The following AGTPBP1 variants were observed in gnomAD, a reference collection of about 807,000 sequenced individuals.
AGTPBP1 encodes the protein ATP/GTP binding carboxypeptidase 1, also known as cytosolic carboxypeptidase 1.
Under a neutral mutation model 143.9 loss-of-function variants are expected in AGTPBP1, and 70 were observed. That is an observed-to-expected ratio of 0.49 (90% CI 0.40 to 0.59). The LOEUF is 0.59. AGTPBP1 is among the 20% of genes least tolerant of loss of function. The pLI, the probability that AGTPBP1 is intolerant of heterozygous loss-of-function variation, is 0.00. For synonymous variants in AGTPBP1, 463 were observed against 500.2 expected, an observed-to-expected ratio of 0.93 and a Z score of 0.99; for missense variants, 1,229 against 1,464.5, an observed-to-expected ratio of 0.84 and a Z score of 2.62.
chr9:85,761,514 GA>G, the AGTPBP1 span, among the ~76,000 whole-genome samples: 1 of 152,202 alleles, frequency 6.6e-6, no homozygotes, highest in Non-Finnish European at 1.5e-5. Flanking sequence ...ACAAAAACGA[GA>G]AATGGGGAAA....
chr9:85,623,782 A>T (rs1211274536), intron 14 of AGTPBP1, among the ~76,000 whole-genome samples: 1 of 151,762 alleles, frequency 6.6e-6, no homozygotes, highest in African/African-American at 2.4e-5. Flanking sequence ...GGAGGGAAAC[A>T]GTCTTTTATT....
intron 7 of AGTPBP1, among the ~76,000 whole-genome samples, chr9:85,672,128 T>C (rs1185092180): frequency 1.3e-5 from 2 of 151,970 alleles, no homozygotes; most frequent in Non-Finnish European, 2.9e-5. Flanking sequence ...TGGAGTGCAA[T>C]GGCACAATCT....
intron 25 of AGTPBP1, among the ~76,000 whole-genome samples, chr9:85,556,293 A>G (rs1048041978): frequency 6.6e-6 from 1 of 152,200 alleles, no homozygotes; most frequent in South Asian, 2.1e-4. Context: ...ATACTCTAAT[A>G]AACCAAATAT....
rs151034982 is a variant in AGTPBP1, at chr9:85,717,786, G to A, written c.-33-5220C>T. On this transcript the variant is annotated intron_variant, in intron 1 of 25. Transcript: ENST00000357081. ...GTTGGTTTGCCACACCCATCAACTC[G>A]TCATTTACATTAGGTATTTCTCCTA... Among the ~76,000 whole-genome samples the A allele has an allele frequency of 2.9e-3, 442 of 151,230 alleles. 1 individual carries two copies. The highest frequency in any genetic ancestry group is 0.01 in the African/African-American group (414 of 41,156).
In AGTPBP1 at chr9:85,657,513, T is replaced by G; in HGVS notation, c.831A>C (p.Lys277Asn). Residue 277 changes from lysine (K) to asparagine (N), a missense_variant, in exon 10 of 26, where the codon AAA (lysine) becomes AAC (asparagine). Physicochemically the swap from Lys to Asn is moderately conservative, Grantham distance 94. Transcript: ENST00000357081. ...TTCCCAACTTGATGTTTGTAACACT[T>G]TTTAAACTCTGTAAAATTCCTTTCC... ...LIRKGILQSL[K>N]SVTNIKLGRK... 1 of 1,613,976 alleles carries G rather than the reference T, an allele frequency of 6.2e-7. No homozygotes were observed. Among genetic ancestry groups the G allele is most frequent in the Non-Finnish European group, 8.5e-7 (1 of 1,179,926 alleles).
intron 1 of AGTPBP1, among the ~76,000 whole-genome samples, chr9:85,735,632 C>CCCA (rs1839194170): frequency 1.3e-5 from 2 of 151,834 alleles, no homozygotes; most frequent in South Asian, 2.1e-4. Flanking sequence ...AAAGTTGTTT[C>CCCA]AAATATAAAT....
intron 2 of AGTPBP1, among the ~76,000 whole-genome samples, chr9:85,696,749 G>A (rs1384434334): frequency 6.6e-6 from 1 of 152,060 alleles, no homozygotes; most frequent in African/African-American, 2.4e-5. Context: ...CCAATGCATG[G>A]TGTTACAAAA....
At chr9:85,708,164 T>C (rs922685327) in intron 2 of AGTPBP1, among the ~76,000 whole-genome samples, 24 of 152,228 alleles carry the variant, frequency 1.6e-4, no homozygotes, top group African/African-American at 5.8e-4. Flanking sequence ...AGAGGTCACC[T>C]GTATTCATTG....
At chr9:85,554,953 G>A (rs1049333486) in intron 25 of AGTPBP1, among the ~76,000 whole-genome samples, 2 of 152,176 alleles carry the variant, frequency 1.3e-5, no homozygotes, top group Non-Finnish European at 2.9e-5. Flanking sequence ...GTTTAAAACT[G>A]TCTTTTGGAC....
chr9:85,549,915 T>C (rs1825937390), intron 25 of AGTPBP1, among the ~76,000 whole-genome samples: 1 of 152,224 alleles, frequency 6.6e-6, no homozygotes, highest in Admixed American at 6.5e-5. Flanking sequence ...AGTAAGAGTA[T>C]GGAGCTGGTC....
intron 10 of AGTPBP1, among the ~76,000 whole-genome samples, chr9:85,657,037 G>T (rs899864929): frequency 2.0e-5 from 3 of 151,968 alleles, no homozygotes; most frequent in African/African-American, 7.3e-5. Flanking sequence ...TTGTGGGGTG[G>T]GGGGAGAGGG....
chr9:85,667,816 CTTTT>C (rs905598688), intron 8 of AGTPBP1, among the ~76,000 whole-genome samples: 1 of 146,654 alleles, frequency 6.8e-6, no homozygotes, highest in East Asian at 2.1e-4. Context: ...AACAGGGAAA[CTTTT>C]TTTTATTTCA....
intron 17 of AGTPBP1, among the ~76,000 whole-genome samples, chr9:85,618,600 C>T (rs1039841743): frequency 4.6e-5 from 7 of 151,296 alleles, no homozygotes; most frequent in Non-Finnish European, 7.4e-5. Context: ...TTTGTTTATC[C>T]CAAGTGGGGT....
chr9:85,797,609 T>A, the AGTPBP1 span, among the ~76,000 whole-genome samples: 41 of 152,260 alleles, frequency 2.7e-4, no homozygotes, highest in East Asian at 1.4e-3. Context: ...GGAACCTCCC[T>A]TCACCTTCAC....
intron 23 of AGTPBP1, among the ~76,000 whole-genome samples, chr9:85,583,908 A>C (rs1828440885): frequency 6.6e-6 from 1 of 152,026 alleles, no homozygotes; most frequent in Non-Finnish European, 1.5e-5. Context: ...TATAATTCTT[A>C]AGTGCTATGA....
At chr9:85,611,383 C>G (rs760328534) in intron 17 of AGTPBP1, among the ~76,000 whole-genome samples, 2 of 150,894 alleles carry the variant, frequency 1.3e-5, no homozygotes, top group South Asian at 4.2e-4. Context: ...AGCAAACATA[C>G]ATCAAGCAAA....
At chr9:85,744,928 G>A (rs542579261), upstream of AGTPBP1, among the ~76,000 whole-genome samples, 3 of 152,264 alleles carry the variant, frequency 2.0e-5, no homozygotes, top group Non-Finnish European at 4.4e-5. Flanking sequence ...ATTTCTATTG[G>A]TCACTCTTTC....
At chr9:85,603,857 G>A (rs1489942831) in intron 17 of AGTPBP1, among the ~76,000 whole-genome samples, 4 of 151,476 alleles carry the variant, frequency 2.6e-5, no homozygotes, top group Non-Finnish European at 5.9e-5. Flanking sequence ...AGTACTAAAC[G>A]CAGGCCTGGG....
the AGTPBP1 span, among the ~76,000 whole-genome samples, chr9:85,790,758 A>C: frequency 6.6e-6 from 1 of 152,206 alleles, no homozygotes; most frequent in Admixed American, 6.5e-5. Context: ...GTTAATTGTA[A>C]CACACAGCTC....
Sources: gnomAD v4.1 joint callset for allele counts (sites outside exome capture counted in the v4.1 genomes callset) on GRCh38, gnomAD v4.1.1 for gene constraint, MANE v1.5 for transcripts, NCBI Gene and HGNC (gene_info 2026-07-23, HGNC 2026-07-21) for gene names.